Variants in DCC observed in about 807,000 individuals in gnomAD.
DCC encodes DCC netrin 1 receptor.
Under a neutral mutation model 172.5 loss-of-function variants are expected in DCC, and 58 were observed. The ratio of observed to expected loss-of-function variants is 0.34; its 90% confidence interval spans 0.27 to 0.42. The LOEUF (loss-of-function observed/expected upper bound fraction) is 0.42, where lower values mean the gene tolerates loss of function less well. Ranked by LOEUF, DCC falls within the 10% of genes least tolerant of loss-of-function variation. DCC has a pLI of 1.00. For missense variants in DCC, 1,740 were observed against 1,791.0 expected (o/e 0.97, Z 0.51); for synonymous variants, 709 against 644.5 (o/e 1.10, Z -1.52).
At chr18:52,737,180 G>A (rs1440863551) in intron 1 of DCC, among the ~76,000 whole-genome samples, 1 of 152,088 alleles carries the variant, frequency 6.6e-6, no homozygotes, top group Non-Finnish European at 1.5e-5. Context: ...CGACGTGAAA[G>A]GAATTTGTTA....
chr18:52,461,381 C>A (rs901961729), intron 1 of DCC, among the ~76,000 whole-genome samples: 8 of 152,080 alleles, frequency 5.3e-5, no homozygotes, highest in Non-Finnish European at 1.0e-4. Flanking sequence ...GTTAACTTTT[C>A]TTTTTTTAAC....
chr18:53,401,051 C>T (rs1036494866), intron 18 of DCC, among the ~76,000 whole-genome samples: 6 of 152,032 alleles, frequency 3.9e-5, no homozygotes, highest in Admixed American at 6.6e-5. Flanking sequence ...TATTCATAGC[C>T]GGGAAAATAT....
At chr18:52,766,107 C>T (rs530260246) in intron 2 of DCC, among the ~76,000 whole-genome samples, 14 of 152,268 alleles carry the variant, frequency 9.2e-5, no homozygotes, top group Admixed American at 8.5e-4. Context: ...TAGAACCAGT[C>T]GGCCATTTTG....
At chr18:52,834,358 G>A (rs897308768) in intron 2 of DCC, among the ~76,000 whole-genome samples, 1 of 152,206 alleles carries the variant, frequency 6.6e-6, no homozygotes, top group African/African-American at 2.4e-5. Flanking sequence ...AGAAACCTTA[G>A]CATTGTTTGG....
intron 15 of DCC, among the ~76,000 whole-genome samples, chr18:53,344,561 C>T (rs1262945533): frequency 6.7e-6 from 1 of 149,920 alleles, no homozygotes; most frequent in African/African-American, 2.5e-5. Flanking sequence ...CCTGCCTCAG[C>T]TTCCCAAGTA....
chr18:52,814,541 G>A (rs1220222808), intron 2 of DCC, among the ~76,000 whole-genome samples: 1 of 152,192 alleles, frequency 6.6e-6, no homozygotes, highest in African/African-American at 2.4e-5. Flanking sequence ...CATGAAAAAT[G>A]TAGTCTTGCA....
intron 2 of DCC, among the ~76,000 whole-genome samples, chr18:52,775,231 T>C (rs78939599): frequency 0.087 from 13,251 of 151,568 alleles, 667 homozygotes; most frequent in South Asian, 0.18. Flanking sequence ...CTGCTCATGC[T>C]TCTAGGGGAG....
chr18:52,369,921 T>G (rs1985044375), intron 1 of DCC, among the ~76,000 whole-genome samples: 1 of 152,152 alleles, frequency 6.6e-6, no homozygotes, highest in South Asian at 2.1e-4. Context: ...ACTAACAGTG[T>G]CTGACTTAAT....
At chr18:53,038,562 T>C (rs2042125835) in intron 5 of DCC, among the ~76,000 whole-genome samples, 2 of 152,006 alleles carry the variant, frequency 1.3e-5, no homozygotes, top group Admixed American at 6.6e-5. Flanking sequence ...TTCTCTCTCT[T>C]ATCCTCAAAA....
At chr18:53,009,586 T>TGCC (rs1437469188) in intron 5 of DCC, among the ~76,000 whole-genome samples, 4 of 151,880 alleles carry the variant, frequency 2.6e-5, no homozygotes, top group Non-Finnish European at 4.4e-5. Context: ...GGCCATATGT[T>TGCC]GGAGTTTTGT....
At chr18:52,947,381 A>G (rs2040564755) in intron 5 of DCC, among the ~76,000 whole-genome samples, 1 of 152,198 alleles carries the variant, frequency 6.6e-6, no homozygotes, top group Non-Finnish European at 1.5e-5. Flanking sequence ...GAATTTCATC[A>G]TCTAAGCAAG....
intron 1 of DCC, among the ~76,000 whole-genome samples, chr18:52,353,809 G>A (rs1394713137): frequency 6.6e-6 from 1 of 152,172 alleles, no homozygotes; most frequent in Non-Finnish European, 1.5e-5. Context: ...CTCCTGGGGA[G>A]AGAAGTTTCT....
At chr18:52,460,633 A>G (rs959651042) in intron 1 of DCC, among the ~76,000 whole-genome samples, 1 of 152,104 alleles carries the variant, frequency 6.6e-6, no homozygotes, top group Admixed American at 6.5e-5. Context: ...CCTAGTACAC[A>G]CCTAGGCTAT....
At chr18:53,429,144 G>A (rs1336587832) in intron 21 of DCC, among the ~76,000 whole-genome samples, 1 of 109,254 alleles carries the variant, frequency 9.2e-6, no homozygotes, top group Non-Finnish European at 1.8e-5. Flanking sequence ...TATATATATC[G>A]GTTGGTCTGG....
At chr18:52,941,182 GAAA>G (rs548057853) in intron 5 of DCC, 83 of 152,018 alleles carry the variant, frequency 5.5e-4, no homozygotes, top group African/African-American at 1.9e-3. Flanking sequence ...TTAGGACAAA[GAAA>G]AAAAGTTTAA....
rs1328112133 is a variant in DCC, at chr18:52,917,138, A to T, written c.698-6569A>T. On this transcript the variant is annotated intron_variant, in intron 3 of 28. Coordinates refer to ENST00000442544, the MANE Select transcript of DCC (RefSeq NM_005215.4). ...TCTCAAAAAAAAAAAAAAAGAAAAC[A>T]AAAAAAAAAAAACAAGAAAAAAATA... 4.0e-4 allele frequency among the ~76,000 whole-genome samples: 46 copies of T among 116,134 alleles called. 1 individual carries two copies. Among genetic ancestry groups the T allele is most frequent in the African/African-American group, 1.8e-3 (41 of 22,310 alleles). The allele number at this position is 116,134 out of a possible 152,430, so 76.2% of individuals were successfully genotyped here. A position where few individuals can be genotyped will look rare whatever the true frequency, so the allele number is the denominator to read the frequency against.
intron 1 of DCC, among the ~76,000 whole-genome samples, chr18:52,413,157 T>C (rs1306805832): frequency 1.3e-5 from 2 of 151,784 alleles, no homozygotes; most frequent in Non-Finnish European, 2.9e-5. Context: ...TGTTTTAAAA[T>C]AATATATCCA....
chr18:53,400,599 T>A (rs1473945298), intron 18 of DCC, among the ~76,000 whole-genome samples: 1 of 152,132 alleles, frequency 6.6e-6, no homozygotes, highest in Non-Finnish European at 1.5e-5. Context: ...GCCATATTAT[T>A]TTTCAAATAT....
At chr18:53,409,439 T>C (rs1909858109) in intron 19 of DCC, among the ~76,000 whole-genome samples, 1 of 152,178 alleles carries the variant, frequency 6.6e-6, no homozygotes, top group Admixed American at 6.5e-5. Flanking sequence ...TTATAGCCTA[T>C]GTTATATAGA....
Sources: gnomAD v4.1 joint callset for allele counts (sites outside exome capture counted in the v4.1 genomes callset) on GRCh38, gnomAD v4.1.1 for gene constraint, MANE v1.5 for transcripts, NCBI Gene and HGNC (gene_info 2026-07-23, HGNC 2026-07-21) for gene names.